MAPKAP1: variants seen among roughly 807,000 people sequenced by gnomAD.
MAPKAP1 encodes the protein MAPK associated protein 1, also known as target of rapamycin complex 2 subunit MAPKAP1.
In MAPKAP1, 20 loss-of-function variants were observed where a neutral mutation model predicts 65.7. The ratio of observed to expected loss-of-function variants is 0.30; its 90% CI spans 0.21 to 0.44. The LOEUF (loss-of-function observed/expected upper bound fraction) is 0.44, where lower values mean the gene tolerates loss of function less well. Ranked by LOEUF, MAPKAP1 falls within the 20% of genes least tolerant of loss-of-function variation. The pLI is 1.00. For missense variants in MAPKAP1, 423 were observed against 648.0 expected, an observed-to-expected ratio of 0.65 and a Z score of 3.77; for synonymous variants, 222 against 244.3, an observed-to-expected ratio of 0.91 and a Z score of 0.85.
chr9:125,468,092 C>T lies in MAPKAP1; in HGVS notation c.1225G>A (p.Val409Ile), dbSNP rs1351815684. The change falls in exon 10 of 12, where the codon GTA (valine) becomes ATA (isoleucine). Residue 409 changes from valine (V) to isoleucine (I), a missense_variant. Val to Ile is a conservative substitution (Grantham distance 29). Transcript: ENST00000265960. ...TGATTCGTAACAGGGTCTATCTCTA[C>T]TTTGTCTCCAGAGATACCTGTAAGC... ...DVQLGISGDKVEIDPVTNQKA... is the reference protein window; with the variant it reads ...DVQLGISGDKIEIDPVTNQKA... 9 of 1,614,050 alleles carry T rather than the reference C, an allele frequency of 5.6e-6. No homozygotes were observed. The highest frequency in any genetic ancestry group is 1.3e-5 in the African/African-American group (1 of 74,930).
chr9:125,656,635 A>G (rs1211561153), intron 4 of MAPKAP1, among the ~76,000 whole-genome samples: 4 of 152,170 alleles, frequency 2.6e-5, no homozygotes, highest in Admixed American at 6.5e-5. Context: ...CTCATGAAAA[A>G]AAAAAATCAA....
At chr9:125,492,325 G>C (rs530107278) in intron 8 of MAPKAP1, among the ~76,000 whole-genome samples, 1 of 152,302 alleles carries the variant, frequency 6.6e-6, no homozygotes, top group East Asian at 1.9e-4. Flanking sequence ...ATAATGCCAT[G>C]TTTTCATTGC....
chr9:125,537,722 A>G (rs1830113144), intron 7 of MAPKAP1, among the ~76,000 whole-genome samples: 1 of 152,198 alleles, frequency 6.6e-6, no homozygotes, highest in African/African-American at 2.4e-5. Flanking sequence ...GGTTCAAGCA[A>G]TCCTCCTGCC....
In MAPKAP1 at chr9:125,585,602, C is replaced by T. The variant is rs746312500; in HGVS notation, c.624G>A (p.Gly208=). The change falls in exon 5 of 12, where the codon GGG becomes GGA. Residue 208 remains glycine, a synonymous_variant. Coordinates refer to ENST00000265960, the MANE Select transcript of MAPKAP1 (RefSeq NM_001006617.3). ...CGCTTGTATACTGCCAGCAGATGAG[C>T]CCGATCAGGTCCTGCACCCTGGCGC... is the stretch of plus-strand genomic sequence containing the variant. ...MASARVQDLI[G]LICWQYTSEG... is the part of the protein sequence containing the mutation. 3 of 1,614,256 alleles carry T rather than the reference C, an allele frequency of 1.9e-6. No homozygotes were observed. The South Asian group carries it at 3.3e-5, about 18-fold the overall frequency.
At chr9:125,598,071 G>GA (rs898997224) in intron 4 of MAPKAP1, among the ~76,000 whole-genome samples, 148 of 129,564 alleles carry the variant, frequency 1.1e-3, no homozygotes, top group Admixed American at 2.5e-3. Flanking sequence ...GTCGACATGA[G>GA]AAAAAAAAAA....
intron 9 of MAPKAP1, among the ~76,000 whole-genome samples, chr9:125,470,036 C>T (rs1281933031): frequency 2.6e-5 from 4 of 152,018 alleles, no homozygotes; most frequent in South Asian, 2.1e-4. Flanking sequence ...GAAAATAAAC[C>T]GTGCTCCACA....
chr9:125,519,647 G>C (rs977716423), intron 7 of MAPKAP1, among the ~76,000 whole-genome samples: 2 of 118,372 alleles, frequency 1.7e-5, no homozygotes, highest in African/African-American at 5.6e-5. Flanking sequence ...ACATATATAT[G>C]TCTTTTATAT....
intron 1 of MAPKAP1, among the ~76,000 whole-genome samples, chr9:125,688,241 C>A (rs565933778): frequency 6.6e-6 from 1 of 152,052 alleles, no homozygotes; most frequent in East Asian, 1.9e-4. Flanking sequence ...CAGGTTCAAG[C>A]GATTCTCCTA....
intron 8 of MAPKAP1, among the ~76,000 whole-genome samples, chr9:125,492,036 A>AAT (rs1854754361): frequency 1.6e-5 from 1 of 62,360 alleles, no homozygotes; most frequent in South Asian, 4.6e-4. Flanking sequence ...ACTGAAAGTT[A>AAT]AAAAAAAAAA....
chr9:125,648,506 T>G (rs1295269176), intron 4 of MAPKAP1, among the ~76,000 whole-genome samples: 1 of 152,194 alleles, frequency 6.6e-6, no homozygotes, highest in African/African-American at 2.4e-5. Context: ...GATGAGAGAT[T>G]ACTTGTCCTA....
chr9:125,698,294 T>A (rs1419897114), intron 1 of MAPKAP1, among the ~76,000 whole-genome samples: 20 of 6,320 alleles, frequency 3.2e-3, no homozygotes, highest in African/African-American at 0.012. Flanking sequence ...TATAAATATA[T>A]ATATATATAT....
At chr9:125,576,720 T>C (rs2131553385) in intron 5 of MAPKAP1, among the ~76,000 whole-genome samples, 1 of 152,360 alleles carries the variant, frequency 6.6e-6, no homozygotes, top group Non-Finnish European at 1.5e-5. Flanking sequence ...GGGGTTTCGC[T>C]GTGTTGGCCG....
chr9:125,581,028 A>G (rs1831608596), intron 5 of MAPKAP1, among the ~76,000 whole-genome samples: 1 of 152,258 alleles, frequency 6.6e-6, no homozygotes, highest in Non-Finnish European at 1.5e-5. Flanking sequence ...CACTGCATGT[A>G]TGAAAACGGT....
intron 4 of MAPKAP1, among the ~76,000 whole-genome samples, chr9:125,630,082 A>G (rs775745755): frequency 2.6e-5 from 4 of 152,154 alleles, no homozygotes; most frequent in South Asian, 2.1e-4. Context: ...AAGTAGAAAC[A>G]TAACAGTCAA....
At chr9:125,632,879 G>A (rs1157826279) in intron 4 of MAPKAP1, among the ~76,000 whole-genome samples, 5 of 152,186 alleles carry the variant, frequency 3.3e-5, no homozygotes, top group African/African-American at 7.2e-5. Context: ...TCCAGCTTGC[G>A]TGCAAGAATA....
intron 4 of MAPKAP1, among the ~76,000 whole-genome samples, chr9:125,640,232 T>C (rs1274022575): frequency 6.6e-6 from 1 of 152,164 alleles, no homozygotes; most frequent in Non-Finnish European, 1.5e-5. Flanking sequence ...GCCTCCCCAG[T>C]AGCTGGGACT....
intron 10 of MAPKAP1, among the ~76,000 whole-genome samples, chr9:125,463,619 A>G (rs1853576682): frequency 6.6e-6 from 1 of 152,216 alleles, no homozygotes; most frequent in Admixed American, 6.5e-5. Flanking sequence ...CTTAACCCCA[A>G]AGAGTTCCTA....
chr9:125,605,860 A>C (rs1448825311), intron 4 of MAPKAP1, among the ~76,000 whole-genome samples: 2 of 152,262 alleles, frequency 1.3e-5, no homozygotes, highest in African/African-American at 4.8e-5. Flanking sequence ...TGGTTGATTT[A>C]GGAATAAGTA....
rs201720634 is a variant in MAPKAP1, at chr9:125,598,584, G to C, written c.499-12857C>G. Among the ~76,000 whole-genome samples, 8 of 152,308 alleles carry C rather than the reference G, an allele frequency of 5.3e-5. No individual in the cohort carries two copies. The East Asian group carries it at 9.6e-4, about 18-fold the overall frequency. ...TAGGGAGGCAGTACAGTGTGATTAA[G>C]AGCACAAGTCGGGGCATCAGATAGA... On this transcript the variant is annotated intron_variant, in intron 4 of 11. Coordinates refer to ENST00000265960, the MANE Select transcript of MAPKAP1 (RefSeq NM_001006617.3).
Sources: allele counts gnomAD v4.1 joint callset (sites outside exome capture counted in the v4.1 genomes callset), GRCh38; gene constraint gnomAD v4.1.1; transcripts MANE v1.5; gene names NCBI Gene and HGNC (gene_info 2026-07-23, HGNC 2026-07-21).